The following PCMTD1 variants were observed in gnomAD, a reference collection of about 807,000 sequenced individuals.
PCMTD1 encodes the protein protein-L-isoaspartate (D-aspartate) O-methyltransferase domain containing 1.
PCMTD1 carries 12 observed loss-of-function variants against 37.6 expected under a neutral mutation model. The observed-to-expected ratio is 0.32, with a 90% CI of 0.20 to 0.52. The LOEUF (loss-of-function observed/expected upper bound fraction) is 0.52, where lower values mean the gene tolerates loss of function less well. Ranked by LOEUF, PCMTD1 falls within the 20% of genes least tolerant of loss-of-function variation. PCMTD1 has a pLI of 0.97. For missense variants in PCMTD1, 235 were observed against 421.3 expected, an observed-to-expected ratio of 0.56 and a Z score of 3.87; for synonymous variants, 117 against 135.8, an observed-to-expected ratio of 0.86 and a Z score of 0.96.
At chr8:51,822,951 T>A (rs908304777) in intron 5 of PCMTD1, among the ~76,000 whole-genome samples, 2 of 152,246 alleles carry the variant, frequency 1.3e-5, no homozygotes, top group African/African-American at 4.8e-5. Flanking sequence ...CTGTCAACAC[T>A]GTAATTATGT....
chr8:51,873,974 G>A lies in PCMTD1; in HGVS notation c.-95-12728C>T, dbSNP rs549197388. ...TGTCACCAGGGTGGAGTGCAGTGGC[G>A]CAATCTCAGCTCACTGCAAGCTCCG... On this transcript the variant is annotated intron_variant, in intron 1 of 5. Coordinates refer to ENST00000522514, the MANE Select transcript of PCMTD1 (RefSeq NM_052937.4). Among the ~76,000 whole-genome samples, 27 of 149,840 alleles carry A rather than the reference G, an allele frequency of 1.8e-4. 1 individual carries two copies. The highest frequency in any genetic ancestry group is 4.7e-4 in the African/African-American group (19 of 40,540).
intron 3 of PCMTD1, among the ~76,000 whole-genome samples, chr8:51,838,680 A>G (rs1585798845): frequency 6.6e-6 from 1 of 152,178 alleles, no homozygotes; most frequent in East Asian, 1.9e-4. Context: ...GGCCTTGACT[A>G]TCTTCTGAAA....
At chr8:51,897,041 T>A (rs1031258836) in intron 1 of PCMTD1, among the ~76,000 whole-genome samples, 1 of 152,208 alleles carries the variant, frequency 6.6e-6, no homozygotes, top group South Asian at 2.1e-4. Flanking sequence ...ATTTTTTTAT[T>A]CCTTTCGAGC....
chr8:51,886,229 A>C (rs1317876450), intron 1 of PCMTD1, among the ~76,000 whole-genome samples: 1 of 152,192 alleles, frequency 6.6e-6, no homozygotes, highest in Admixed American at 6.5e-5. Context: ...CAAAATCATC[A>C]TCCTCTTTAG....
chr8:51,895,109 A>C (rs1369851107), intron 1 of PCMTD1, among the ~76,000 whole-genome samples: 2 of 152,212 alleles, frequency 1.3e-5, no homozygotes, highest in Non-Finnish European at 2.9e-5. Flanking sequence ...GGGATTGCCA[A>C]AGAAGAGAAC....
chr8:51,860,981 C>T lies in PCMTD1; in HGVS notation c.171G>A (p.Lys57=). The part of the protein sequence containing the change: ...RDNAYKDLAW[K]HGNIHLSAPC... ...GTGCTGACAAGTGGATGTTTCCATGCTTCCAGGCTAAGTCTTTGTAAGCAT... is the reference window on the plus strand; with the variant it reads ...GTGCTGACAAGTGGATGTTTCCATGTTTCCAGGCTAAGTCTTTGTAAGCAT... Residue 57 remains lysine (K), a synonymous_variant, in exon 2 of 6, where the codon AAG becomes AAA. Coordinates refer to ENST00000522514, the MANE Select transcript of PCMTD1 (RefSeq NM_052937.4). 6.2e-7 allele frequency: 1 copy of T among 1,614,102 alleles called. No homozygotes were observed. Among genetic ancestry groups the T allele is most frequent in the Non-Finnish European group, 8.5e-7 (1 of 1,180,008 alleles).
At chr8:51,839,477 T>C (rs1563340897) in intron 3 of PCMTD1, 10 of 985,452 alleles carry the variant, frequency 1.0e-5, no homozygotes, top group Non-Finnish European at 1.2e-5. Context: ...TAGGTGCATG[T>C]TGGAATATCT....
At chr8:51,848,169 G>A (rs2038250816) in intron 2 of PCMTD1, among the ~76,000 whole-genome samples, 1 of 152,060 alleles carries the variant, frequency 6.6e-6, no homozygotes, top group South Asian at 2.1e-4. Flanking sequence ...AACCAGGGCT[G>A]CATAGATAGG....
chr8:51,860,351 G>C (rs897589578), intron 2 of PCMTD1: 17 of 154,984 alleles, frequency 1.1e-4, no homozygotes, highest in Admixed American at 3.2e-4. Flanking sequence ...ATGCTTGGCA[G>C]AGCAAACACT....
At chr8:51,853,714 G>A (rs1056017460) in intron 2 of PCMTD1, among the ~76,000 whole-genome samples, 2 of 151,974 alleles carry the variant, frequency 1.3e-5, no homozygotes, top group Admixed American at 1.3e-4. Context: ...TTAAGTGTTA[G>A]TGACTTGCCT....
intron 1 of PCMTD1, among the ~76,000 whole-genome samples, chr8:51,886,248 T>C (rs2038863280): frequency 6.6e-6 from 1 of 152,232 alleles, no homozygotes; most frequent in African/African-American, 2.4e-5. Context: ...AGCTGAAATT[T>C]TCCAGTGCAT....
chr8:51,891,608 T>C (rs778694162), intron 1 of PCMTD1, among the ~76,000 whole-genome samples: 6 of 150,288 alleles, frequency 4.0e-5, no homozygotes, highest in Non-Finnish European at 8.9e-5. Flanking sequence ...ATAGAATGCC[T>C]GGAAAATAAA....
intron 2 of PCMTD1, among the ~76,000 whole-genome samples, chr8:51,854,937 G>A (rs1480273576): frequency 1.3e-5 from 2 of 151,284 alleles, no homozygotes; most frequent in African/African-American, 4.9e-5. Context: ...CACTTTGGGA[G>A]GCCAAGGAGG....
In PCMTD1 at chr8:51,822,040, T is replaced by G. The variant is rs1216572279; in HGVS notation, c.707-1322A>C. Among the ~76,000 whole-genome samples, 3 of 152,140 alleles carry G rather than the reference T, an allele frequency of 2.0e-5. No individual in the cohort carries two copies. In the East Asian group the frequency reaches 5.8e-4, roughly 29 times the overall value. Reference sequence around the variant, plus strand: ...GTGAGCCACCGTGCCTGGCCCTGGTTGCTTTCTATTGGGTGGTCATAAAGG... The same window carrying G: ...GTGAGCCACCGTGCCTGGCCCTGGTGGCTTTCTATTGGGTGGTCATAAAGG... On this transcript the variant is annotated intron_variant, in intron 5 of 5. Coordinates refer to ENST00000522514, the MANE Select transcript of PCMTD1 (RefSeq NM_052937.4).
In PCMTD1 at chr8:51,845,772, G is replaced by A. The variant is rs746210086; in HGVS notation, c.308-9C>T. On this transcript the variant is annotated splice_polypyrimidine_tract_variant and intron_variant, in intron 2 of 5. Coordinates refer to ENST00000522514, the MANE Select transcript of PCMTD1 (RefSeq NM_052937.4). ...ATTTATTCCAAAAGGACCTGCAATC[G>A]TAGCAGCATTTTTATAAAAAATATT... 41 of 1,594,140 alleles carry A rather than the reference G, an allele frequency of 2.6e-5. No homozygotes were observed. In the Admixed American group the frequency reaches 4.2e-4, roughly 16 times the overall value.
intron 1 of PCMTD1, among the ~76,000 whole-genome samples, chr8:51,894,789 CA>C (rs35399725): frequency 0.73 from 101,163 of 138,138 alleles, 39,611 homozygotes; most frequent in Non-Finnish European, 0.89. Context: ...AGTAAGATGA[CA>C]AAAAAAAAAA....
intron 2 of PCMTD1, chr8:51,850,011 T>C (rs2038281482): frequency 2.9e-6 from 2 of 699,358 alleles, no homozygotes; most frequent in East Asian, 5.4e-5. Flanking sequence ...CAAAAAGTAC[T>C]TCACAATACA....
At chr8:51,843,183 A>G (rs2038172197) in intron 3 of PCMTD1, among the ~76,000 whole-genome samples, 1 of 152,110 alleles carries the variant, frequency 6.6e-6, no homozygotes, top group South Asian at 2.1e-4. Context: ...GAACAAAAAA[A>G]AAAACCATTG....
At chr8:51,869,973 A>G (rs1433811309) in intron 1 of PCMTD1, among the ~76,000 whole-genome samples, 2 of 152,202 alleles carry the variant, frequency 1.3e-5, no homozygotes, top group Non-Finnish European at 2.9e-5. Context: ...AAATCTATTT[A>G]GGAAAGAACT....
Sources: allele counts gnomAD v4.1 joint callset (sites outside exome capture counted in the v4.1 genomes callset), GRCh38; gene constraint gnomAD v4.1.1; transcripts MANE v1.5; gene names NCBI Gene and HGNC (gene_info 2026-07-23, HGNC 2026-07-21).